WDR27: variants seen among roughly 807,000 people sequenced by gnomAD.
The protein encoded by WDR27 is WD repeat-containing protein 27.
In WDR27, 100 loss-of-function variants were observed where a neutral mutation model predicts 114.4. The observed-to-expected ratio is 0.87, with a 90% CI of 0.74 to 1.03. The LOEUF (loss-of-function observed/expected upper bound fraction) is 1.03. WDR27 is among the 50% of genes least tolerant of loss of function. The pLI is 0.00. For missense variants in WDR27, 1,129 were observed against 1,092.9 expected (o/e 1.03, Z -0.47); for synonymous variants, 449 against 423.1 (o/e 1.06, Z -0.75).
At chr6:169,595,875 A>T (rs2128160985) in intron 23 of WDR27, among the ~76,000 whole-genome samples, 1 of 151,802 alleles carries the variant, frequency 6.6e-6, no homozygotes. Context: ...CTCAAAAAAA[A>T]ATTTAGCTGG....
intron 25 of WDR27, among the ~76,000 whole-genome samples, chr6:169,497,423 A>G (rs943811658): frequency 6.6e-6 from 1 of 152,152 alleles, no homozygotes; most frequent in Non-Finnish European, 1.5e-5. Context: ...GACTTCGTGA[A>G]AATTTTTTAA....
intron 25 of WDR27, among the ~76,000 whole-genome samples, chr6:169,566,101 AAGGAACC>A (rs1800430773): frequency 6.6e-6 from 1 of 150,930 alleles, no homozygotes; most frequent in Non-Finnish European, 1.5e-5. Context: ...TACTCGTTAG[AAGGAACC>A]AGATCAATTA....
At chr6:169,670,309 AACATGTTTCTCTAAAGTCATACCTG>A in intron 4 of WDR27, 1 of 313,626 alleles carries the variant, frequency 3.2e-6, no homozygotes, top group Non-Finnish European at 5.7e-6. Context: ...AGTTTTGCAG[AACATGTTTCTCTAAAGTCATACCTG>A]ACACCCAGAT....
chr6:169,678,245 AG>A (rs1780575969), intron 2 of WDR27, among the ~76,000 whole-genome samples: 1 of 152,246 alleles, frequency 6.6e-6, no homozygotes. Flanking sequence ...GCAAAGCCAC[AG>A]GGACAGAGCT....
At chr6:169,672,161 C>A in intron 3 of WDR27, 94 bp downstream of exon 3, 2 of 1,355,292 alleles carry the variant, frequency 1.5e-6, no homozygotes, top group Non-Finnish European at 1.0e-6. Flanking sequence ...TGCTGTTACC[C>A]AAGGGAAACA....
intron 1 of WDR27, among the ~76,000 whole-genome samples, chr6:169,695,028 G>A (rs1339556354): frequency 6.6e-6 from 1 of 152,166 alleles, no homozygotes; most frequent in Non-Finnish European, 1.5e-5. Flanking sequence ...GTAGCCCAGA[G>A]GAAATCCAGG....
At chr6:169,700,879 G>A (rs186879190) in intron 1 of WDR27, among the ~76,000 whole-genome samples, 176 of 152,212 alleles carry the variant, frequency 1.2e-3, no homozygotes, top group African/African-American at 4.1e-3. Context: ...AATGTCACAG[G>A]ATATCCCCAG....
chr6:169,670,661 G>A lies in WDR27; in HGVS notation c.364C>T (p.Leu122Phe), dbSNP rs1252909699. 6.2e-7 allele frequency: 1 copy of A among 1,613,960 alleles called. No homozygotes were observed. Among genetic ancestry groups the A allele is most frequent in the Non-Finnish European group, 8.5e-7 (1 of 1,179,890 alleles). Residue 122 changes from leucine to phenylalanine, a missense_variant, in exon 4 of 26, where the codon CTT (leucine) becomes TTT (phenylalanine). Transcript: ENST00000448612. ...TGTAAACACAGCACCTTTCCCAAAA[G>A]CGAGCCCATGACAGTCCCTCGAGGG... Reference protein sequence around the residue: ...LVPRGTVMGSLLGKVLCLQLS... With the variant: ...LVPRGTVMGSFLGKVLCLQLS...
the WDR27 span, among the ~76,000 whole-genome samples, chr6:169,438,794 A>C: frequency 6.6e-6 from 1 of 152,178 alleles, no homozygotes; most frequent in Non-Finnish European, 1.5e-5. Flanking sequence ...CAGATATTTT[A>C]TATTTTAAGA....
chr6:169,624,269 G>A (rs573073655), intron 21 of WDR27, among the ~76,000 whole-genome samples: 7 of 152,040 alleles, frequency 4.6e-5, no homozygotes, highest in Admixed American at 2.0e-4. Context: ...AGTGTGTGGC[G>A]TGTGGTGTCA....
chr6:169,581,330 C>T (rs1045171086), intron 24 of WDR27, among the ~76,000 whole-genome samples: 1 of 152,128 alleles, frequency 6.6e-6, no homozygotes, highest in Non-Finnish European at 1.5e-5. Flanking sequence ...CCCCACCGCC[C>T]ACCCTGCTGG....
chr6:169,688,361 G>A (rs924553881), intron 2 of WDR27, among the ~76,000 whole-genome samples: 1 of 152,118 alleles, frequency 6.6e-6, no homozygotes, highest in Non-Finnish European at 1.5e-5. Context: ...TTGCCTTTTG[G>A]GGAGGAGAGA....
chr6:169,564,015 C>T lies in WDR27; in HGVS notation c.2645+8404G>A, dbSNP rs908905194. Among the ~76,000 whole-genome samples the T allele has an allele frequency of 4.6e-5, 7 of 152,276 alleles. No homozygotes were observed. In the East Asian group the frequency reaches 1.2e-3, roughly 25 times the overall value. On this transcript the variant is annotated intron_variant, in intron 25 of 25. Transcript: ENST00000448612. Reference sequence around the variant, plus strand: ...ACTCACACCATCACCAGGCGAAGTCCCACAATGCTCTGTCTACAAGCTGAG... The same window carrying T: ...ACTCACACCATCACCAGGCGAAGTCTCACAATGCTCTGTCTACAAGCTGAG...
chr6:169,662,173 A>C (rs1440889832), intron 9 of WDR27, 131 bp downstream of exon 9: 7 of 917,570 alleles, frequency 7.6e-6, no homozygotes, highest in Non-Finnish European at 1.2e-5. Flanking sequence ...CCCAAGAATG[A>C]AGTTACTAAT....
At chr6:169,624,803 T>C (rs1465681653) in intron 21 of WDR27, among the ~76,000 whole-genome samples, 4 of 152,054 alleles carry the variant, frequency 2.6e-5, no homozygotes, top group Non-Finnish European at 4.4e-5. Flanking sequence ...GCCGCAGCCA[T>C]GCAACCCCAT....
At chr6:169,621,580 A>G (rs999918511) in intron 21 of WDR27, among the ~76,000 whole-genome samples, 3 of 151,948 alleles carry the variant, frequency 2.0e-5, no homozygotes, top group Non-Finnish European at 4.4e-5. Flanking sequence ...ATACATACAC[A>G]TGCACGCACG....
chr6:169,462,454 CAG>C (rs1187256045), intron 25 of WDR27, among the ~76,000 whole-genome samples: 1 of 141,602 alleles, frequency 7.1e-6, no homozygotes, highest in Admixed American at 6.9e-5. Flanking sequence ...AGGAAGGAGA[CAG>C]AGAGAGGGAG....
chr6:169,429,394 A>G, the WDR27 span, among the ~76,000 whole-genome samples: 11 of 149,382 alleles, frequency 7.4e-5, no homozygotes, highest in Non-Finnish European at 1.3e-4. Flanking sequence ...TGAAAAGACC[A>G]CACTCTTCAT....
chr6:169,629,681 C>A (rs1562746784), intron 21 of WDR27, among the ~76,000 whole-genome samples: 1 of 152,060 alleles, frequency 6.6e-6, no homozygotes, highest in African/African-American at 2.4e-5. Context: ...AATCCCAGCA[C>A]TTTGGGAGGC....
Sources: gnomAD v4.1 joint callset for allele counts (sites outside exome capture counted in the v4.1 genomes callset) on GRCh38, gnomAD v4.1.1 for gene constraint, MANE v1.5 for transcripts, NCBI Gene and HGNC (gene_info 2026-07-23, HGNC 2026-07-21) for gene names.